Variants in PCDHGA5 observed in about 807,000 individuals in gnomAD.
PCDHGA5 encodes protocadherin gamma-A5.
PCDHGA5 carries 36 observed loss-of-function variants against 56.7 expected under a neutral mutation model. The observed-to-expected ratio is 0.64, with a 90% CI of 0.49 to 0.84. The LOEUF (loss-of-function observed/expected upper bound fraction) is 0.84, where lower values mean the gene tolerates loss of function less well. Ranked by LOEUF, PCDHGA5 falls within the 40% of genes least tolerant of loss-of-function variation. The pLI, the probability that PCDHGA5 is intolerant of heterozygous loss-of-function variation, is 0.00. For synonymous variants in PCDHGA5, 563 were observed against 520.2 expected, an observed-to-expected ratio of 1.08 and a Z score of -1.12; for missense variants, 1,305 against 1,201.5, an observed-to-expected ratio of 1.09 and a Z score of -1.27.
chr5:141,490,042 G>C lies in PCDHGA5; in HGVS notation c.2422-4765G>C. 1 of 1,614,266 alleles carries C rather than the reference G, an allele frequency of 6.2e-7. No individual in the cohort carries two copies. Among genetic ancestry groups the C allele is most frequent in the Non-Finnish European group, 8.5e-7 (1 of 1,180,038 alleles). The stretch of plus-strand genomic sequence containing the variant: ...TCTGCTGCTCCGCCTCAATGCCACT[G>C]ATCCAGACGAGGGCACCAACGGCCA... On this transcript the variant is annotated intron_variant, in intron 1 of 3. Coordinates refer to ENST00000518069, the MANE Select transcript of PCDHGA5 (RefSeq NM_018918.3). This position sits in a 1 kb window ranked among gnomAD's most constrained non-coding sequence, Gnocchi z 5.4.
In PCDHGA5 at chr5:141,490,935, G is replaced by A. The variant is rs1371144225; in HGVS notation, c.2422-3872G>A. On this transcript the variant is annotated intron_variant, in intron 1 of 3. Transcript: ENST00000518069. The surrounding 1 kb of genome is among the most constrained non-coding windows in gnomAD (Gnocchi z 5.4). ...AGAATGATAATGCCCCAGCTGTGCTGCACCCACGGCCAGACTGGGAACACT... is the reference window on the plus strand; with the variant it reads ...AGAATGATAATGCCCCAGCTGTGCTACACCCACGGCCAGACTGGGAACACT... 1.9e-6 allele frequency: 3 copies of A among 1,613,638 alleles called. No homozygotes were observed. The highest frequency in any genetic ancestry group is 2.2e-5 in the South Asian group (2 of 91,032).
At chr5:141,375,803 G>A (rs1771910516) in intron 1 of PCDHGA5, 5 of 1,614,234 alleles carry the variant, frequency 3.1e-6, no homozygotes, top group Non-Finnish European at 4.2e-6. Flanking sequence ...CGGTTCCACT[G>A]GCGTGGAGCT....
rs775321480 is a variant in PCDHGA5 at position 141,364,871 on chromosome 5, G to C, written c.541G>C (p.Asp181His). ...QLSSNLHFSL[D>H]VVSGTDGQKY... Reference sequence around the variant, plus strand: ...CAGCTCCAATCTGCACTTCTCTCTGGATGTGGTAAGCGGAACTGATGGACA... The same window carrying C: ...CAGCTCCAATCTGCACTTCTCTCTGCATGTGGTAAGCGGAACTGATGGACA... Residue 181 changes from aspartate (D) to histidine (H), a missense_variant, in exon 1 of 4, where the codon GAT becomes CAT. Physicochemically the swap from Asp to His is moderately conservative, Grantham distance 81. Coordinates refer to ENST00000518069, the MANE Select transcript of PCDHGA5 (RefSeq NM_018918.3). 1.2e-6 allele frequency: 2 copies of C among 1,614,010 alleles called. No homozygotes were observed. Among genetic ancestry groups the C allele is most frequent in the Non-Finnish European group, 1.7e-6 (2 of 1,179,906 alleles).
chr5:141,377,580 A>G (rs1350053157), intron 1 of PCDHGA5: 1 of 151,568 alleles, frequency 6.6e-6, no homozygotes, highest in African/African-American at 2.4e-5. Context: ...TGGGAGACAG[A>G]ATGAGACTTT....
rs6882138 is a variant in PCDHGA5, at chr5:141,365,766, C to A, written c.1436C>A (p.Pro479His). Residue 479 changes from proline (P) to histidine (H), a missense_variant, in exon 1 of 4, where the codon CCC becomes CAC. Transcript: ENST00000518069. The stretch of plus-strand genomic sequence containing the variant: ...ATCTTCTCTGTGACAGCCCATGACC[C>A]CGACAGCGGCGACAACGCTCGAGTC... The part of the protein sequence containing the change: ...VSIFSVTAHD[P>H]DSGDNARVTY... 7.4e-6 allele frequency: 12 copies of A among 1,613,778 alleles called. No homozygotes were observed. Among genetic ancestry groups the A allele is most frequent in the Non-Finnish European group, 9.3e-6 (11 of 1,179,884 alleles).
rs1183309479 is a variant in PCDHGA5 at position 141,404,628 on chromosome 5, C to G, written c.2421+37877C>G. 1.9e-6 allele frequency: 3 copies of G among 1,614,100 alleles called. No homozygotes were observed. In the South Asian group the frequency reaches 3.3e-5, roughly 18 times the overall value. Reference sequence around the variant, plus strand: ...TTTGTTTTGGACCAGAATGACAATGCCCCAGAAATCCTGTACCCTGCCCTC... The same window carrying G: ...TTTGTTTTGGACCAGAATGACAATGGCCCAGAAATCCTGTACCCTGCCCTC... On this transcript the variant is annotated intron_variant, in intron 1 of 3. Transcript: ENST00000518069.
intron 1 of PCDHGA5, among the ~76,000 whole-genome samples, chr5:141,488,571 A>G (rs2099677106): frequency 6.6e-6 from 1 of 152,194 alleles, no homozygotes; most frequent in East Asian, 1.9e-4. Flanking sequence ...TCCGCAAAGC[A>G]TTGCTGGAGA....
intron 1 of PCDHGA5, among the ~76,000 whole-genome samples, chr5:141,405,902 G>A (rs777584362): frequency 2.6e-5 from 4 of 152,084 alleles, no homozygotes; most frequent in Non-Finnish European, 4.4e-5. Flanking sequence ...CTGAAAGGAG[G>A]CATTTATTAG....
intron 1 of PCDHGA5, chr5:141,416,195 CAATT>C (rs1181982521): frequency 6.6e-6 from 1 of 152,322 alleles, no homozygotes; most frequent in African/African-American, 2.4e-5. Flanking sequence ...ATTGAATTAA[CAATT>C]TATTTATAAC....
chr5:141,364,691 G>C lies in PCDHGA5; in HGVS notation c.361G>C (p.Val121Leu), dbSNP rs373731815. ...ENKMKIYGVE[V>L]EIIDINDNFP... is the part of the protein sequence containing the mutation. ...CAAAATGAAAATTTATGGAGTAGAA[G>C]TAGAAATAATCGATATTAATGATAA... The change falls in exon 1 of 4, where the codon GTA becomes CTA. Residue 121 changes from valine (V) to leucine (L), a missense_variant. Physicochemically the swap from Val to Leu is conservative, Grantham distance 32 (BLOSUM62 1). Coordinates refer to ENST00000518069, the MANE Select transcript of PCDHGA5 (RefSeq NM_018918.3). 3.7e-6 allele frequency: 6 copies of C among 1,613,878 alleles called. No individual in the cohort carries two copies. The highest frequency in any genetic ancestry group is 3.4e-6 in the Non-Finnish European group (4 of 1,179,896).
Position 141,364,288 on chromosome 5 carries a change from A to T in PCDHGA5, c.-43A>T. The stretch of plus-strand genomic sequence containing the variant: ...GGCTTTAGATAAATAAGGAAACAGC[A>T]GGCTGAACCAGAACTAAGAGAAAAT... On this transcript the variant is annotated 5_prime_UTR_variant, in exon 1 of 4. Coordinates refer to ENST00000518069, the MANE Select transcript of PCDHGA5 (RefSeq NM_018918.3). The T allele has an allele frequency of 1.3e-6, 2 of 1,517,690 alleles. No individual in the cohort carries two copies. The highest frequency in any genetic ancestry group is 1.8e-6 in the Non-Finnish European group (2 of 1,135,342). 94.0% of individuals were successfully genotyped at this position (1,517,690 alleles called of 1,614,324 possible).
intron 1 of PCDHGA5, among the ~76,000 whole-genome samples, chr5:141,401,910 T>A (rs562648950): frequency 2.1e-4 from 32 of 152,336 alleles, no homozygotes; most frequent in African/African-American, 5.3e-4. Flanking sequence ...AATTATTATA[T>A]AAGTTTAAGT....
At chr5:141,414,338 G>C in intron 1 of PCDHGA5, 1 of 1,613,832 alleles carries the variant, frequency 6.2e-7, no homozygotes, top group Non-Finnish European at 8.5e-7. Context: ...CAGGTAACCT[G>C]TTCCATTTTG....
rs1334965321 is a variant in PCDHGA5, at chr5:141,432,195, C to T, written c.2422-62612C>T. 3 of 1,614,088 alleles carry T rather than the reference C, an allele frequency of 1.9e-6. No homozygotes were observed. The Admixed American group carries it at 5.0e-5, about 27-fold the overall frequency. ...CTCGTCTCTGTGACCGCCCACGACC[C>T]CGACTGTGAAGAGAACGCCCAGATC... On this transcript the variant is annotated intron_variant, in intron 1 of 3. Transcript: ENST00000518069. This position sits in a 1 kb window ranked among gnomAD's most constrained non-coding sequence, Gnocchi z 6.0.
chr5:141,431,320 C>T lies in PCDHGA5; in HGVS notation c.2422-63487C>T. On this transcript the variant is annotated intron_variant, in intron 1 of 3. Coordinates refer to ENST00000518069, the MANE Select transcript of PCDHGA5 (RefSeq NM_018918.3). The surrounding 1 kb of genome is among the most constrained non-coding windows in gnomAD (Gnocchi z 4.8). ...CCCTCATCGTGCAAAATGGAGCCGA[C>T]GGTAGTAAGTACCCCGAATTGGTGC... is the stretch of plus-strand genomic sequence containing the variant. 1 of 1,614,102 alleles carries T rather than the reference C, an allele frequency of 6.2e-7. No homozygotes were observed. Among genetic ancestry groups the T allele is most frequent in the Non-Finnish European group, 8.5e-7 (1 of 1,180,038 alleles).
chr5:141,372,171 G>T, intron 1 of PCDHGA5: 1 of 1,613,744 alleles, frequency 6.2e-7, no homozygotes, highest in Non-Finnish European at 8.5e-7. Flanking sequence ...CAAGGTGGTG[G>T]CGGTGGACGC....
chr5:141,408,185 C>G, intron 1 of PCDHGA5: 1 of 1,540,440 alleles, frequency 6.5e-7, no homozygotes, highest in Non-Finnish European at 8.8e-7. Context: ...GGGGACCCAG[C>G]GAGAACCCGA....
rs2099750571 is a variant in PCDHGA5, at chr5:141,493,878, T to A, written c.2422-929T>A. On this transcript the variant is annotated intron_variant, in intron 1 of 3. Coordinates refer to ENST00000518069, the MANE Select transcript of PCDHGA5 (RefSeq NM_018918.3). This position sits in a 1 kb window ranked among gnomAD's most constrained non-coding sequence, Gnocchi z 4.3. ...GCCCACCCCAGAACCAGTGAGGAGG[T>A]GGCTCTAGGAGTGCTCCATGAGAGT... is the stretch of plus-strand genomic sequence containing the variant. 6.6e-6 allele frequency among the ~76,000 whole-genome samples: 1 copy of A among 152,072 alleles called. No homozygotes were observed. The highest frequency in any genetic ancestry group is 6.6e-5 in the Admixed American group (1 of 15,264).
In PCDHGA5 at chr5:141,432,287, G is replaced by A. The variant is rs189131107; in HGVS notation, c.2422-62520G>A. On this transcript the variant is annotated intron_variant, in intron 1 of 3. Transcript: ENST00000518069. This position sits in a 1 kb window ranked among gnomAD's most constrained non-coding sequence, Gnocchi z 6.0. ...ATCGTCCTACGTGTCCATCAACTCC[G>A]ACACTGGGGTACTGTATGCGCTGAG... The A allele has an allele frequency of 2.3e-4, 365 of 1,614,216 alleles. 2 individuals carry two copies. In the East Asian group the frequency reaches 6.5e-3, roughly 29 times the overall value.
Sources: allele counts gnomAD v4.1 joint callset (sites outside exome capture counted in the v4.1 genomes callset), GRCh38; gene constraint gnomAD v4.1.1; non-coding constraint Gnocchi (gnomAD v3.1); transcripts MANE v1.5; gene names NCBI Gene and HGNC (gene_info 2026-07-23, HGNC 2026-07-21).